The following CELF2 variants were observed in gnomAD, a reference collection of about 807,000 sequenced individuals.
The protein encoded by CELF2 is CUGBP Elav-like family member 2.
In CELF2, 8 loss-of-function variants were observed where a neutral mutation model predicts 62.6. The ratio of observed to expected loss-of-function variants is 0.13; its 90% CI spans 0.07 to 0.23. CELF2 has a LOEUF of 0.23. Among genes scored for constraint, CELF2 ranks in the 10% least tolerant of loss-of-function variants. The pLI is 1.00. For missense variants in CELF2, 333 were observed against 671.0 expected (o/e 0.50, Z 5.56); for synonymous variants, 258 against 250.0 (o/e 1.03, Z -0.30).
the CELF2 span, among the ~76,000 whole-genome samples, chr10:10,621,967 G>A: frequency 6.6e-6 from 1 of 152,214 alleles, no homozygotes; most frequent in South Asian, 2.1e-4. Flanking sequence ...TCTAAAAGGA[G>A]TTTCTCACAT....
the CELF2 span, among the ~76,000 whole-genome samples, chr10:10,468,162 G>A: frequency 6.6e-6 from 1 of 152,022 alleles, no homozygotes; most frequent in Non-Finnish European, 1.5e-5. Flanking sequence ...GGAATGAGCA[G>A]GAGCATTGTT....
At chr10:11,263,750 G>A (rs1394877173) in intron 5 of CELF2, among the ~76,000 whole-genome samples, 1 of 152,318 alleles carries the variant, frequency 6.6e-6, no homozygotes, top group East Asian at 1.9e-4. Context: ...TACATTGGAG[G>A]CCTAATCCTA....
At position 11,075,318 on chromosome 10, in the gene CELF2, TC is replaced by T. The variant is rs1564628273; in HGVS notation, c.74+57159del. 1 of 152,022 alleles carries T rather than the reference TC, an allele frequency of 6.6e-6. No homozygotes were observed. Among genetic ancestry groups the T allele is most frequent in the East Asian group, 1.9e-4 (1 of 5,190 alleles). The allele number at this position is 152,022 out of a possible 1,614,324, so 9.4% of individuals were successfully genotyped here. A position where few individuals can be genotyped will look rare whatever the true frequency, so the allele number is the denominator to read the frequency against. On this transcript the variant is annotated intron_variant, in intron 1 of 12. Coordinates refer to ENST00000633077, the MANE Select transcript of CELF2 (RefSeq NM_001326342.2). This position sits in a 1 kb window ranked among gnomAD's most constrained non-coding sequence, Gnocchi z 5.4. ...ATGCCCTTTCAGCATTCCTCTTCTCTCCCCGCCCCCGTCTCTTCTAAAACAG... is the reference window on the plus strand; with the variant it reads ...ATGCCCTTTCAGCATTCCTCTTCTCTCCCGCCCCCGTCTCTTCTAAAACAG...
At chr10:10,829,842 C>T (rs966146761) in intron 1 of CELF2, among the ~76,000 whole-genome samples, 5 of 152,156 alleles carry the variant, frequency 3.3e-5, no homozygotes, top group South Asian at 2.1e-4. Flanking sequence ...TTCTGTGTTA[C>T]GTGGTGCATA....
At chr10:10,955,121 T>G (rs1341723310) in intron 2 of CELF2, among the ~76,000 whole-genome samples, 4 of 152,244 alleles carry the variant, frequency 2.6e-5, no homozygotes, top group African/African-American at 4.8e-5. Context: ...TCACCTCTCT[T>G]TAAACCTCAC....
chr10:11,056,652 A>G (rs772401782), intron 1 of CELF2, among the ~76,000 whole-genome samples: 2 of 152,222 alleles, frequency 1.3e-5, no homozygotes, highest in Non-Finnish European at 2.9e-5. Flanking sequence ...TACAAAGCAT[A>G]TTGATTTATT....
intron 1 of CELF2, among the ~76,000 whole-genome samples, chr10:10,906,802 T>C (rs1288364705): frequency 8.0e-6 from 1 of 124,842 alleles, no homozygotes; most frequent in East Asian, 2.8e-4. Flanking sequence ...CACTGCAACC[T>C]CCACCTCCCA....
chr10:10,495,374 C>T, the CELF2 span, among the ~76,000 whole-genome samples: 1 of 152,198 alleles, frequency 6.6e-6, no homozygotes, highest in Middle Eastern at 3.2e-3. Context: ...TTGAAGAGTT[C>T]TGTGGCCTTA....
intron 1 of CELF2, among the ~76,000 whole-genome samples, chr10:11,121,702 TTG>T (rs1491120104): frequency 6.4e-4 from 97 of 150,918 alleles, no homozygotes; most frequent in Middle Eastern, 6.8e-3. Flanking sequence ...AGTATTTTTT[TTG>T]TTTTTTTTAC....
At chr10:10,853,903 C>T (rs1564721433) in intron 1 of CELF2, among the ~76,000 whole-genome samples, 1 of 152,068 alleles carries the variant, frequency 6.6e-6, no homozygotes, top group Non-Finnish European at 1.5e-5. Context: ...AAAGGGAGAG[C>T]AAGACTTCGC....
the CELF2 span, among the ~76,000 whole-genome samples, chr10:10,648,084 G>T: frequency 1.3e-5 from 2 of 152,124 alleles, no homozygotes; most frequent in South Asian, 2.1e-4. Context: ...CTATCCTCAG[G>T]ATATATGAAA....
the CELF2 span, among the ~76,000 whole-genome samples, chr10:10,506,770 G>C: frequency 4.4e-4 from 57 of 129,648 alleles, no homozygotes; most frequent in African/African-American, 1.6e-3. Flanking sequence ...TCTACTTCCT[G>C]GATTCTGCCT....
chr10:10,698,203 A>T, the CELF2 span, among the ~76,000 whole-genome samples: 6 of 152,342 alleles, frequency 3.9e-5, no homozygotes, highest in East Asian at 9.6e-4. Context: ...CAGTAAATCT[A>T]TGACAGAATA....
At chr10:11,052,965 A>G (rs1000789539) in intron 1 of CELF2, among the ~76,000 whole-genome samples, 11 of 152,088 alleles carry the variant, frequency 7.2e-5, no homozygotes, top group African/African-American at 2.4e-4. Flanking sequence ...ATGTTATTCT[A>G]TTTAACTTCC....
At chr10:10,491,163 G>C in the CELF2 span, among the ~76,000 whole-genome samples, 2 of 152,282 alleles carry the variant, frequency 1.3e-5, no homozygotes, top group Non-Finnish European at 2.9e-5. Context: ...ACTTGGCAAA[G>C]AGGTTTCCCT....
At chr10:10,951,862 A>C (rs2048357404) in intron 2 of CELF2, 1 of 152,460 alleles carries the variant, frequency 6.6e-6, no homozygotes, top group African/African-American at 2.4e-5. Flanking sequence ...AAGCTGGCAC[A>C]AGAGGGGAAG....
intron 2 of CELF2, among the ~76,000 whole-genome samples, chr10:10,992,966 T>C (rs139135937): frequency 9.8e-5 from 15 of 152,302 alleles, no homozygotes; most frequent in African/African-American, 3.4e-4. Flanking sequence ...TACTTGAGGA[T>C]GTGCTGAAAC....
chr10:11,169,566 A>AG (rs2068213241), intron 2 of CELF2, among the ~76,000 whole-genome samples: 3 of 2,374 alleles, frequency 1.3e-3, no homozygotes, highest in Admixed American at 0.023. Context: ...GACATGAAGT[A>AG]GAGAAGGGAA....
intron 1 of CELF2, among the ~76,000 whole-genome samples, chr10:11,048,500 C>G (rs147306774): frequency 6.6e-6 from 1 of 152,136 alleles, no homozygotes; most frequent in Non-Finnish European, 1.5e-5. Context: ...TAAATGTTCC[C>G]GTGCCACCAA....
Sources: allele counts gnomAD v4.1 joint callset (sites outside exome capture counted in the v4.1 genomes callset), GRCh38; gene constraint gnomAD v4.1.1; non-coding constraint Gnocchi (gnomAD v3.1); transcripts MANE v1.5; gene names NCBI Gene and HGNC (gene_info 2026-07-23, HGNC 2026-07-21).